The following KAZN variants were observed in gnomAD, a reference collection of about 807,000 sequenced individuals.
KAZN encodes the protein kazrin.
KAZN carries 40 observed loss-of-function variants against 87.4 expected under a neutral mutation model. The observed-to-expected ratio is 0.46, with a 90% CI of 0.36 to 0.60. The LOEUF is 0.60. KAZN is among the 20% of genes least tolerant of loss of function. The pLI, the probability that KAZN is intolerant of heterozygous loss-of-function variation, is 0.00. For missense variants in KAZN, 898 were observed against 1,073.9 expected (o/e 0.84, Z 2.29); for synonymous variants, 466 against 458.3 (o/e 1.02, Z -0.22).
At chr1:14,177,873 A>T (rs1259436508) in intron 1 of KAZN, among the ~76,000 whole-genome samples, 1 of 148,318 alleles carries the variant, frequency 6.7e-6, no homozygotes, top group African/African-American at 2.5e-5. Context: ...CTTACAGTTT[A>T]TTGAGATTCT....
At chr1:14,775,848 G>T (rs1423554390) in intron 1 of KAZN, among the ~76,000 whole-genome samples, 1 of 152,156 alleles carries the variant, frequency 6.6e-6, no homozygotes, top group African/African-American at 2.4e-5. Flanking sequence ...TAAAGGGAGG[G>T]TCCGGGCCAC....
At chr1:14,703,170 A>C (rs1021518711) in intron 1 of KAZN, among the ~76,000 whole-genome samples, 2 of 152,188 alleles carry the variant, frequency 1.3e-5, no homozygotes, top group South Asian at 2.1e-4. Context: ...GGTTCCTTAC[A>C]CTGCACACAT....
intron 1 of KAZN, among the ~76,000 whole-genome samples, chr1:14,908,674 G>A (rs1656885569): frequency 1.3e-5 from 2 of 152,084 alleles, no homozygotes; most frequent in South Asian, 2.1e-4. Context: ...CCCTATTCAT[G>A]CCACTCCTCT....
intron 2 of KAZN, among the ~76,000 whole-genome samples, chr1:14,436,062 T>G (rs972363311): frequency 6.6e-6 from 1 of 152,134 alleles, no homozygotes; most frequent in African/African-American, 2.4e-5. Context: ...ACCCCATCTC[T>G]ACTAAAAATA....
intron 11 of KAZN, among the ~76,000 whole-genome samples, chr1:15,102,450 G>T (rs1467011189): frequency 6.6e-6 from 1 of 152,098 alleles, no homozygotes; most frequent in Non-Finnish European, 1.5e-5. Flanking sequence ...TGAGAGTCCT[G>T]TTGGGTGGGG....
At chr1:13,950,380 T>C (rs1641300532) in intron 1 of KAZN, among the ~76,000 whole-genome samples, 1 of 152,194 alleles carries the variant, frequency 6.6e-6, no homozygotes, top group African/African-American at 2.4e-5. Context: ...TGATGGTCTC[T>C]CCTATCAGAC....
intron 2 of KAZN, among the ~76,000 whole-genome samples, chr1:14,199,007 T>G (rs1646585027): frequency 6.6e-6 from 1 of 152,078 alleles, no homozygotes; most frequent in Non-Finnish European, 1.5e-5. Flanking sequence ...GAGGAGTGGA[T>G]GGGTTTGAGA....
chr1:14,505,833 G>T (rs368350521), intron 2 of KAZN, among the ~76,000 whole-genome samples: 1 of 146,006 alleles, frequency 6.8e-6, no homozygotes, highest in East Asian at 1.9e-4. Flanking sequence ...AATTAGCCAG[G>T]CGTGGCGGCA....
intron 2 of KAZN, among the ~76,000 whole-genome samples, chr1:14,305,966 A>G (rs1654895933): frequency 6.6e-6 from 1 of 152,102 alleles, no homozygotes; most frequent in African/African-American, 2.4e-5. Flanking sequence ...GAGAGTTTAG[A>G]AAACACGAAC....
At chr1:14,740,658 G>T (rs527865604) in intron 1 of KAZN, among the ~76,000 whole-genome samples, 1 of 152,204 alleles carries the variant, frequency 6.6e-6, no homozygotes, top group East Asian at 1.9e-4. Flanking sequence ...CTGGCCGCCC[G>T]CACTCCCATC....
At position 14,774,621 on chromosome 1, in the gene KAZN, T is replaced by C. The variant is rs1388437029; in HGVS notation, c.226+175398T>C. ...AAGTAGTTGGGACTACAGGCATGCA[T>C]CACCACACCTGGCTAATTTTTTGTT... On this transcript the variant is annotated intron_variant, in intron 1 of 14. Transcript: ENST00000376030. Among the ~76,000 whole-genome samples, 9 of 151,996 alleles carry C rather than the reference T, an allele frequency of 5.9e-5. No individual in the cohort carries two copies. The East Asian group carries it at 1.5e-3, about 26-fold the overall frequency.
intron 2 of KAZN, among the ~76,000 whole-genome samples, chr1:14,330,872 A>C (rs1656807424): frequency 6.6e-6 from 1 of 152,216 alleles, no homozygotes; most frequent in Admixed American, 6.5e-5. Flanking sequence ...GGGATATATC[A>C]CTACCTGACA....
chr1:14,301,714 A>G (rs1654565734), intron 2 of KAZN, among the ~76,000 whole-genome samples: 1 of 152,244 alleles, frequency 6.6e-6, no homozygotes, highest in Non-Finnish European at 1.5e-5. Flanking sequence ...TGTTCTATAT[A>G]GAAGACATTT....
chr1:14,438,224 C>A (rs1298416327), intron 2 of KAZN, among the ~76,000 whole-genome samples: 1 of 152,132 alleles, frequency 6.6e-6, no homozygotes, highest in African/African-American at 2.4e-5. Context: ...TCAAATTACT[C>A]AACACAGATA....
At chr1:14,421,417 G>A (rs1318758904) in intron 2 of KAZN, among the ~76,000 whole-genome samples, 2 of 152,130 alleles carry the variant, frequency 1.3e-5, no homozygotes, top group African/African-American at 4.8e-5. Context: ...AGAAGGACAC[G>A]AGGAAAGCCA....
chr1:14,435,672 C>A (rs971539295), intron 2 of KAZN, among the ~76,000 whole-genome samples: 1 of 152,210 alleles, frequency 6.6e-6, no homozygotes, highest in South Asian at 2.1e-4. Flanking sequence ...CAGTTAAGAG[C>A]CCTGCTTGAA....
At chr1:14,980,719 G>T (rs1307262297) in intron 2 of KAZN, among the ~76,000 whole-genome samples, 2 of 152,150 alleles carry the variant, frequency 1.3e-5, no homozygotes, top group Non-Finnish European at 2.9e-5. Flanking sequence ...AGAGGCAGGG[G>T]GTGTCTCGGA....
chr1:14,575,836 C>T (rs1056019120), intron 2 of KAZN, among the ~76,000 whole-genome samples: 2 of 152,150 alleles, frequency 1.3e-5, no homozygotes, highest in Non-Finnish European at 2.9e-5. Flanking sequence ...TTCTGCTAGC[C>T]TGAAAGCTTC....
chr1:14,705,728 G>A (rs950115164), intron 1 of KAZN, among the ~76,000 whole-genome samples: 2 of 152,160 alleles, frequency 1.3e-5, no homozygotes, highest in Non-Finnish European at 2.9e-5. Flanking sequence ...AGCTAAAAAA[G>A]TTTATCTAAA....
Sources: allele counts gnomAD v4.1 joint callset (sites outside exome capture counted in the v4.1 genomes callset), GRCh38; gene constraint gnomAD v4.1.1; transcripts MANE v1.5; gene names NCBI Gene and HGNC (gene_info 2026-07-23, HGNC 2026-07-21).